CAP2: variants seen among roughly 807,000 people sequenced by gnomAD.
The protein encoded by CAP2 is adenylyl cyclase-associated protein 2.
In CAP2, 24 loss-of-function variants were observed where a neutral mutation model predicts 57.7. The observed-to-expected ratio is 0.42, with a 90% CI of 0.30 to 0.58. The LOEUF is 0.58. Ranked by LOEUF, CAP2 falls within the 20% of genes least tolerant of loss-of-function variation. CAP2 has a pLI of 0.22. For missense variants in CAP2, 501 were observed against 590.3 expected (o/e 0.85, Z 1.57); for synonymous variants, 194 against 207.2 (o/e 0.94, Z 0.55).
intron 3 of CAP2, among the ~76,000 whole-genome samples, chr6:17,448,981 C>T (rs1010200075): frequency 2.0e-5 from 3 of 152,132 alleles, no homozygotes; most frequent in East Asian, 1.9e-4. Context: ...AGGCTGGTCT[C>T]GAACTCCTGA....
At chr6:17,538,329 G>A (rs1762820774) in intron 7 of CAP2, among the ~76,000 whole-genome samples, 1 of 151,938 alleles carries the variant, frequency 6.6e-6, no homozygotes, top group East Asian at 1.9e-4. Flanking sequence ...AGTGGCACAT[G>A]CCTGTTGTCC....
Position 17,509,784 on chromosome 6 carries a change from T to C in CAP2, c.530+2058T>C, listed in dbSNP as rs561415520. ...GTACACAATATTCATTGCAGCATTA[T>C]TCATAATAGCCAATAGATGAGAACA... On this transcript the variant is annotated intron_variant, in intron 6 of 12. Transcript: ENST00000229922. Among the ~76,000 whole-genome samples, 267 of 152,320 alleles carry C rather than the reference T, an allele frequency of 1.8e-3. 1 individual carries two copies. The highest frequency in any genetic ancestry group is 3.2e-3 in the Non-Finnish European group (221 of 68,032).
chr6:17,555,072 C>G (rs2113715271), intron 12 of CAP2, among the ~76,000 whole-genome samples: 1 of 152,336 alleles, frequency 6.6e-6, no homozygotes, highest in East Asian at 1.9e-4. Context: ...CCTTTCTACT[C>G]CATGTGATTG....
chr6:17,531,206 TG>T (rs1762630274), intron 7 of CAP2: 1 of 768,650 alleles, frequency 1.3e-6, no homozygotes, highest in Non-Finnish European at 2.4e-6. Context: ...ACTTCAGAAT[TG>T]GGTACCCCCA....
intron 7 of CAP2, among the ~76,000 whole-genome samples, chr6:17,515,741 T>C (rs1046383079): frequency 1.3e-5 from 2 of 152,228 alleles, no homozygotes; most frequent in African/African-American, 2.4e-5. Flanking sequence ...TTGAATAGTA[T>C]TTTTGAGTAC....
rs1052722196 is a variant in CAP2, at chr6:17,460,383, A to C, written c.223-2613A>C. Reference sequence around the variant, plus strand: ...CGGAGAAGTTATGATGAGAATCATTAGGTTTGCATAAATGCAGAACTAATA... The same window carrying C: ...CGGAGAAGTTATGATGAGAATCATTCGGTTTGCATAAATGCAGAACTAATA... On this transcript the variant is annotated intron_variant, in intron 3 of 12. Coordinates refer to ENST00000229922, the MANE Select transcript of CAP2 (RefSeq NM_006366.3). Among the ~76,000 whole-genome samples, 5 of 152,380 alleles carry C rather than the reference A, an allele frequency of 3.3e-5. 1 individual carries two copies. The South Asian group carries it at 1.0e-3, about 32-fold the overall frequency.
intron 4 of CAP2, 89 bp from the exon 5 acceptor site, chr6:17,507,080 T>C: frequency 7.4e-7 from 1 of 1,346,786 alleles, no homozygotes; most frequent in South Asian, 1.2e-5. Flanking sequence ...CGGCAGGTCC[T>C]GAATTCTCCT....
At chr6:17,420,069 AC>A (rs1345669248) in intron 1 of CAP2, among the ~76,000 whole-genome samples, 4 of 151,936 alleles carry the variant, frequency 2.6e-5, no homozygotes, top group Non-Finnish European at 5.9e-5. Flanking sequence ...ACGGGGTTTC[AC>A]CATGTAGGCC....
intron 3 of CAP2, among the ~76,000 whole-genome samples, chr6:17,436,067 A>ATCTTTCTT (rs1345218299): frequency 6.9e-6 from 1 of 143,958 alleles, no homozygotes; most frequent in African/African-American, 2.6e-5. Context: ...AAACTAAGGA[A>ATCTTTCTT]TCTTTCTTTC....
intron 1 of CAP2, among the ~76,000 whole-genome samples, chr6:17,408,659 C>T (rs1034476013): frequency 8.0e-6 from 1 of 124,902 alleles, no homozygotes; most frequent in Non-Finnish European, 1.6e-5. Context: ...ATGATAGCCT[C>T]CTTTTTTTTT....
At chr6:17,512,363 T>A (rs1348594429) in intron 6 of CAP2, among the ~76,000 whole-genome samples, 1 of 151,084 alleles carries the variant, frequency 6.6e-6, no homozygotes, top group Non-Finnish European at 1.5e-5. Context: ...ACCATTGCAC[T>A]CCAGCCTGGG....
chr6:17,421,110 T>C (rs1420128898), intron 1 of CAP2, among the ~76,000 whole-genome samples: 1 of 152,184 alleles, frequency 6.6e-6, no homozygotes, highest in Non-Finnish European at 1.5e-5. Flanking sequence ...CTGGAGGCCA[T>C]GTTATTCTAA....
intron 3 of CAP2, among the ~76,000 whole-genome samples, chr6:17,448,738 T>C (rs1341037000): frequency 6.6e-6 from 1 of 151,820 alleles, no homozygotes; most frequent in African/African-American, 2.4e-5. Context: ...TGGGTCTCTT[T>C]CCATGTCAAT....
In CAP2 at chr6:17,396,753, T is replaced by G. The variant is rs74782817; in HGVS notation, c.-2+3007T>G. ...TCGACTATAGTGATAGTCGCACGTA[T>G]CTGTGAATATACTAAAAACCATTGA... On this transcript the variant is annotated intron_variant, in intron 1 of 12. Coordinates refer to ENST00000229922, the MANE Select transcript of CAP2 (RefSeq NM_006366.3). 7.7e-3 allele frequency among the ~76,000 whole-genome samples: 1,170 copies of G among 152,284 alleles called. 16 individuals carry two copies. Among genetic ancestry groups the G allele is most frequent in the African/African-American group, 0.027 (1,116 of 41,550 alleles).
chr6:17,462,316 T>C (rs1760751423), intron 3 of CAP2, among the ~76,000 whole-genome samples: 1 of 152,118 alleles, frequency 6.6e-6, no homozygotes, highest in South Asian at 2.1e-4. Context: ...TAGAATAGAA[T>C]GTGGGCACAG....
intron 3 of CAP2, among the ~76,000 whole-genome samples, chr6:17,428,864 C>G (rs1247399686): frequency 6.6e-6 from 1 of 152,154 alleles, no homozygotes; most frequent in Non-Finnish European, 1.5e-5. Flanking sequence ...CACCAGTCTC[C>G]CAGGGGATCC....
At chr6:17,480,901 C>T (rs1761272595) in intron 4 of CAP2, among the ~76,000 whole-genome samples, 1 of 149,742 alleles carries the variant, frequency 6.7e-6, no homozygotes, top group African/African-American at 2.5e-5. Context: ...CAGCCTCCTG[C>T]CTGAGTAGCT....
chr6:17,503,559 G>A (rs148805549), intron 4 of CAP2, among the ~76,000 whole-genome samples: 9,867 of 148,062 alleles, frequency 0.067, 362 homozygotes, highest in East Asian at 0.12. Flanking sequence ...AGCCAAGATC[G>A]TGCCGGTGCA....
rs1759878993 is a variant in CAP2, at chr6:17,436,091, TTCC to T, written c.222+9403_222+9405del. Among the ~76,000 whole-genome samples the T allele has an allele frequency of 1.0e-4, 14 of 137,632 alleles. No individual in the cohort carries two copies. The South Asian group carries it at 1.8e-3, about 17-fold the overall frequency. The allele number at this position is 137,632 out of a possible 152,430, so 90.3% of individuals were successfully genotyped here. On this transcript the variant is annotated intron_variant, in intron 3 of 12. Coordinates refer to ENST00000229922, the MANE Select transcript of CAP2 (RefSeq NM_006366.3). The stretch of plus-strand genomic sequence containing the variant: ...AATCTTTCTTTCTTTCTTTCTTTCC[TTCC>T]TTCCTTCCTTCCTTCCTTCCTTCCT...
Sources: allele counts gnomAD v4.1 joint callset (sites outside exome capture counted in the v4.1 genomes callset), GRCh38; gene constraint gnomAD v4.1.1; transcripts MANE v1.5; gene names NCBI Gene and HGNC (gene_info 2026-07-23, HGNC 2026-07-21).